Variants in SORCS2 observed in about 807,000 individuals in gnomAD.
SORCS2 encodes the protein sortilin related VPS10 domain containing receptor 2.
A neutral mutation model predicts 141.6 loss-of-function variants in SORCS2; 100 were observed. The observed-to-expected ratio is 0.71, with a 90% CI of 0.60 to 0.83. SORCS2 has a LOEUF of 0.83. SORCS2 is among the 40% of genes least tolerant of loss of function. SORCS2 has a pLI of 0.00. For synonymous variants in SORCS2, 789 were observed against 676.9 expected (o/e 1.17, Z -2.57); for missense variants, 1,646 against 1,560.2 (o/e 1.05, Z -0.93).
At chr4:7,270,212 G>A (rs1715022897) in intron 1 of SORCS2, among the ~76,000 whole-genome samples, 1 of 152,274 alleles carries the variant, frequency 6.6e-6, no homozygotes, top group Non-Finnish European at 1.5e-5. Flanking sequence ...AGAGGCATAT[G>A]TGATGCTTGG....
intron 2 of SORCS2, among the ~76,000 whole-genome samples, chr4:7,476,726 G>A (rs962392725): frequency 1.3e-5 from 2 of 152,072 alleles, no homozygotes; most frequent in Non-Finnish European, 2.9e-5. Context: ...ACCCTCTCTT[G>A]CCACACCTCT....
intron 1 of SORCS2, among the ~76,000 whole-genome samples, chr4:7,392,903 G>C (rs796529182): frequency 7.9e-5 from 12 of 151,436 alleles, no homozygotes; most frequent in African/African-American, 1.2e-4. Flanking sequence ...CCAGTCGGGG[G>C]GGGGGGGGTG....
intron 1 of SORCS2, among the ~76,000 whole-genome samples, chr4:7,196,970 G>A (rs1232883571): frequency 1.3e-5 from 2 of 152,186 alleles, no homozygotes; most frequent in African/African-American, 4.8e-5. Flanking sequence ...AGTTCCTGGA[G>A]GGCAGGTGAA....
At chr4:7,394,488 G>A (rs573183521) in intron 1 of SORCS2, among the ~76,000 whole-genome samples, 6 of 149,688 alleles carry the variant, frequency 4.0e-5, no homozygotes, top group Non-Finnish European at 7.4e-5. Context: ...AGATCTGAAG[G>A]TTCAGCAGGA....
chr4:7,463,192 G>A (rs919153122), intron 2 of SORCS2, among the ~76,000 whole-genome samples: 2 of 152,202 alleles, frequency 1.3e-5, no homozygotes, highest in African/African-American at 2.4e-5. Context: ...CTGTTGAGAA[G>A]CCTCCTGAAT....
At chr4:7,685,385 C>T (rs974196630) in intron 10 of SORCS2, among the ~76,000 whole-genome samples, 1 of 152,176 alleles carries the variant, frequency 6.6e-6, no homozygotes, top group African/African-American at 2.4e-5. Flanking sequence ...AAATTACAGC[C>T]TCACGGGCTG....
At chr4:7,606,031 C>T (rs940479834) in intron 3 of SORCS2, among the ~76,000 whole-genome samples, 32 of 152,196 alleles carry the variant, frequency 2.1e-4, no homozygotes, top group Admixed American at 3.3e-4. Flanking sequence ...GGGGACACCA[C>T]GTCAGGGAGA....
chr4:7,730,528 C>T (rs909468218), intron 23 of SORCS2, among the ~76,000 whole-genome samples: 6 of 152,208 alleles, frequency 3.9e-5, no homozygotes, highest in African/African-American at 1.4e-4. Flanking sequence ...TGTGGTCCAA[C>T]CTTACAATGG....
At chr4:7,497,893 G>A (rs997200177) in intron 2 of SORCS2, among the ~76,000 whole-genome samples, 4 of 152,278 alleles carry the variant, frequency 2.6e-5, no homozygotes, top group African/African-American at 9.6e-5. Flanking sequence ...CAGATAACGT[G>A]CATAGTGGAA....
chr4:7,210,367 C>T (rs1331436710), intron 1 of SORCS2, among the ~76,000 whole-genome samples: 4 of 152,228 alleles, frequency 2.6e-5, no homozygotes, highest in Non-Finnish European at 5.9e-5. Context: ...CTGCAGCCTC[C>T]AACCCCTGGG....
intron 2 of SORCS2, among the ~76,000 whole-genome samples, chr4:7,527,292 C>T (rs2109530273): frequency 6.6e-6 from 1 of 152,358 alleles, no homozygotes; most frequent in African/African-American, 2.4e-5. Context: ...CCTTACATGG[C>T]AAAGGGGACT....
rs76133821 is a variant in SORCS2 at position 7,362,224 on chromosome 4, C to A, written c.481-34064C>A. On this transcript the variant is annotated intron_variant, in intron 1 of 26. Transcript: ENST00000507866. ...ATTCCAAATATCCATAGCCGCCAGT[C>A]GTCCTCTGAATGCCTAAGCCAGGTG... 8.5e-4 allele frequency among the ~76,000 whole-genome samples: 129 copies of A among 152,172 alleles called. No homozygotes were observed. The East Asian group carries it at 0.019, about 22-fold the overall frequency.
At chr4:7,486,135 C>T (rs545202789) in intron 2 of SORCS2, among the ~76,000 whole-genome samples, 28 of 152,240 alleles carry the variant, frequency 1.8e-4, no homozygotes, top group East Asian at 5.8e-4. Context: ...CCCTCGTGCG[C>T]GTGACAGGGA....
intron 3 of SORCS2, among the ~76,000 whole-genome samples, chr4:7,533,905 G>A (rs1411540373): frequency 6.6e-6 from 1 of 152,220 alleles, no homozygotes; most frequent in Non-Finnish European, 1.5e-5. Flanking sequence ...GCAGCACTGG[G>A]CCTTCTGTGC....
chr4:7,400,461 C>CCCACCACCACCACCACCA (rs71173499), intron 2 of SORCS2, among the ~76,000 whole-genome samples: 1 of 151,224 alleles, frequency 6.6e-6, no homozygotes, highest in African/African-American at 2.4e-5. Context: ...TATGGTTTGC[C>CCCACCACCACCACCACCA]CCACCACCAC....
intron 1 of SORCS2, among the ~76,000 whole-genome samples, chr4:7,295,177 C>G (rs1209634174): frequency 2.7e-5 from 2 of 73,958 alleles, no homozygotes; most frequent in Admixed American, 1.4e-4. Flanking sequence ...TCTCCCCCCT[C>G]TAGCCCCAGC....
rs530802597 is a variant in SORCS2 at position 7,323,502 on chromosome 4, G to C, written c.481-72786G>C. 2.6e-4 allele frequency among the ~76,000 whole-genome samples: 39 copies of C among 152,226 alleles called. No individual in the cohort carries two copies. The South Asian group carries it at 6.2e-3, about 24-fold the overall frequency. On this transcript the variant is annotated intron_variant, in intron 1 of 26. Coordinates refer to ENST00000507866, the MANE Select transcript of SORCS2 (RefSeq NM_020777.3). ...ACCACGTTCAGACTCCCACACCCAT[G>C]GCTCTGAGGGGGGTCAGAGCACCAG...
At chr4:7,485,284 C>T (rs1450066622) in intron 2 of SORCS2, among the ~76,000 whole-genome samples, 1 of 152,250 alleles carries the variant, frequency 6.6e-6, no homozygotes, top group Non-Finnish European at 1.5e-5. Flanking sequence ...GTCACTCAGA[C>T]TCCACATTAC....
chr4:7,551,759 C>T (rs1256147339), intron 3 of SORCS2, among the ~76,000 whole-genome samples: 1 of 152,216 alleles, frequency 6.6e-6, no homozygotes, highest in Non-Finnish European at 1.5e-5. Flanking sequence ...GCACGCGAGC[C>T]AAGCTCTTTA....
Sources: gnomAD v4.1 joint callset for allele counts (sites outside exome capture counted in the v4.1 genomes callset) on GRCh38, gnomAD v4.1.1 for gene constraint, MANE v1.5 for transcripts, NCBI Gene and HGNC (gene_info 2026-07-23, HGNC 2026-07-21) for gene names.